Variants in NKX6-2 observed in about 807,000 individuals in gnomAD.
NKX6-2 encodes the protein NK6 homeobox 2.
Under a neutral mutation model 19.9 loss-of-function variants are expected in NKX6-2, and 22 were observed. That is an observed-to-expected ratio of 1.10 (90% CI 0.79 to 1.58). The LOEUF (loss-of-function observed/expected upper bound fraction) is 1.58, where lower values mean the gene tolerates loss of function less well. NKX6-2 is among the 40% of genes most tolerant of loss of function. The pLI is 0.00. For synonymous variants in NKX6-2, 257 were observed against 204.0 expected, an observed-to-expected ratio of 1.26 and a Z score of -2.21; for missense variants, 475 against 410.6, an observed-to-expected ratio of 1.16 and a Z score of -1.35.
At position 132,784,833 on chromosome 10, in the gene NKX6-2, A is replaced by T; in HGVS notation, c.*83T>A. 9.8e-7 allele frequency: 1 copy of T among 1,020,378 alleles called. No homozygotes were observed. Among genetic ancestry groups the T allele is most frequent in the Non-Finnish European group, 1.5e-6 (1 of 686,592 alleles). The allele number at this position is 1,020,378 out of a possible 1,614,324, so 63.2% of individuals were successfully genotyped here. A position where few individuals can be genotyped will look rare whatever the true frequency, so the allele number is the denominator to read the frequency against. ...CCGACGGGGACCCGTTAAATAATTT[A>T]TTGATGATACAAAGCGACTCGCGCC... On this transcript the variant is annotated 3_prime_UTR_variant, in exon 3 of 3. Coordinates refer to ENST00000368592, the MANE Select transcript of NKX6-2 (RefSeq NM_177400.3).
rs1012349735 is a variant in NKX6-2, at chr10:132,785,751, C to T, written c.198G>A (p.Arg66=). The change falls in exon 1 of 3, where the codon CGG becomes CGA. Residue 66 remains arginine, a synonymous_variant. Coordinates refer to ENST00000368592, the MANE Select transcript of NKX6-2 (RefSeq NM_177400.3). The surrounding 1 kb of genome is among the most constrained non-coding windows in gnomAD (Gnocchi z 5.5). ...GGCCCCCGCCCGCCGCGCCCACGGG[C>T]CGGCCCAGGATGTCGCTGATGCCGT... The part of the protein sequence containing the change: ...TPHGISDILG[R]PVGAAGGGLL... The T allele has an allele frequency of 8.0e-6, 10 of 1,244,040 alleles. No individual in the cohort carries two copies. Among genetic ancestry groups the T allele is most frequent in the Non-Finnish European group, 1.0e-5 (10 of 996,110 alleles). The allele number at this position is 1,244,040 out of a possible 1,614,324, so 77.1% of individuals were successfully genotyped here.
rs954871754 is a variant in NKX6-2 at position 132,783,954 on chromosome 10, A to T, written c.*962T>A. On this transcript the variant is annotated 3_prime_UTR_variant, in exon 3 of 3. Transcript: ENST00000368592. ...ATATCATTATTTACATTTAATTTTTAAAAATTAAAACTCAACAGCCACGCC... is the reference window on the plus strand; with the variant it reads ...ATATCATTATTTACATTTAATTTTTTAAAATTAAAACTCAACAGCCACGCC... 1.3e-5 allele frequency: 2 copies of T among 152,270 alleles called. No homozygotes were observed. The highest frequency in any genetic ancestry group is 2.1e-4 in the South Asian group (1 of 4,838). 9.4% of individuals were successfully genotyped at this position (152,270 alleles called of 1,614,324 possible).
chr10:132,784,995 G>A lies in NKX6-2; in HGVS notation c.755C>T (p.Thr252Met). ...LDPNSDDEKI[T>M]RLLKKHKPSN... Reference sequence around the variant, plus strand: ...GGGTTTGTGCTTCTTGAGCAGCCGCGTGATCTTCTCGTCGTCCGAGTTGGG... The same window carrying A: ...GGGTTTGTGCTTCTTGAGCAGCCGCATGATCTTCTCGTCGTCCGAGTTGGG... Residue 252 changes from threonine (T) to methionine (M), a missense_variant, in exon 3 of 3, where the codon ACG becomes ATG. Physicochemically the swap from Thr to Met is moderately conservative, Grantham distance 81 (BLOSUM62 -1). Coordinates refer to ENST00000368592, the MANE Select transcript of NKX6-2 (RefSeq NM_177400.3). 3.7e-6 allele frequency: 6 copies of A among 1,612,424 alleles called. No individual in the cohort carries two copies. The highest frequency in any genetic ancestry group is 2.2e-5 in the East Asian group (1 of 44,824).
rs771929441 is a variant in NKX6-2 at position 132,785,886 on chromosome 10, G to A, written c.63C>T (p.Asn21=). The A allele has an allele frequency of 1.1e-5, 16 of 1,396,930 alleles. No individual in the cohort carries two copies. In the Admixed American group the frequency reaches 2.9e-4, roughly 25 times the overall value. The allele number at this position is 1,396,930 out of a possible 1,614,324, so 86.5% of individuals were successfully genotyped here. ...ACAGCGACGTCTTCATCTCGGCCAT[G>A]TTGTGCAGCGCGGCCAGCGGGGCAC... ...LSSAPLAALH[N]MAEMKTSLFP... The change falls in exon 1 of 3, where the codon AAC becomes AAT. Residue 21 remains asparagine (N), a synonymous_variant. Coordinates refer to ENST00000368592, the MANE Select transcript of NKX6-2 (RefSeq NM_177400.3). This position sits in a 1 kb window ranked among gnomAD's most constrained non-coding sequence, Gnocchi z 5.5.
Position 132,785,254 on chromosome 10 carries a change from G to C in NKX6-2, c.579+26C>G. ...TCGCAGGACGCGGGCCCCCGGCTCT[G>C]CTCTCCCGAGCCCCGCCGCGCTCAC... On this transcript the variant is annotated intron_variant, in intron 2 of 2. Transcript: ENST00000368592. The surrounding 1 kb of genome is among the most constrained non-coding windows in gnomAD (Gnocchi z 5.5). 6.3e-7 allele frequency: 1 copy of C among 1,595,828 alleles called. No individual in the cohort carries two copies. The highest frequency in any genetic ancestry group is 1.1e-5 in the South Asian group (1 of 88,848).
rs910674606 is a variant in NKX6-2, at chr10:132,784,607, G to A, written c.*309C>T. On this transcript the variant is annotated 3_prime_UTR_variant, in exon 3 of 3. Transcript: ENST00000368592. Reference sequence around the variant, plus strand: ...CCGTCCCGGGCTCCTGGCGGCTGTCGCTGCGGTTCCTTCCCGCGGGCCGGG... The same window carrying A: ...CCGTCCCGGGCTCCTGGCGGCTGTCACTGCGGTTCCTTCCCGCGGGCCGGG... The A allele has an allele frequency of 3.3e-6, 1 of 302,224 alleles. No individual in the cohort carries two copies. The highest frequency in any genetic ancestry group is 2.2e-5 in the African/African-American group (1 of 45,208). 18.7% of individuals were successfully genotyped at this position (302,224 alleles called of 1,614,324 possible).
chr10:132,785,858 G>A lies in NKX6-2; in HGVS notation c.91C>T (p.Pro31Ser). The A allele has an allele frequency of 1.4e-6, 2 of 1,388,156 alleles. No homozygotes were observed. The highest frequency in any genetic ancestry group is 1.9e-6 in the Non-Finnish European group (2 of 1,054,778). 86.0% of individuals were successfully genotyped at this position (1,388,156 alleles called of 1,614,324 possible). A position where few individuals can be genotyped will look rare whatever the true frequency, so the allele number is the denominator to read the frequency against. ...CCGGCCGGACCCTGCAGCGCGTAGG[G>A]GAACAGCGACGTCTTCATCTCGGCC... ...NMAEMKTSLF[P>S]YALQGPAGFK... is the part of the protein sequence containing the mutation. Residue 31 changes from proline to serine, a missense_variant, in exon 1 of 3, where the codon CCC becomes TCC. Coordinates refer to ENST00000368592, the MANE Select transcript of NKX6-2 (RefSeq NM_177400.3). This position sits in a 1 kb window ranked among gnomAD's most constrained non-coding sequence, Gnocchi z 5.5.
Position 132,784,697 on chromosome 10 carries a change from A to C in NKX6-2, c.*219T>G. On this transcript the variant is annotated 3_prime_UTR_variant, in exon 3 of 3. Transcript: ENST00000368592. ...GGGGCCCGCAGCCTCCGCACCGGGA[A>C]CCCGGAGGACCCGAGGCGGGCGCAG... 4 of 515,190 alleles carry C rather than the reference A, an allele frequency of 7.8e-6. No homozygotes were observed. The highest frequency in any genetic ancestry group is 1.3e-5 in the Non-Finnish European group (4 of 296,660). The allele number at this position is 515,190 out of a possible 1,614,324, so 31.9% of individuals were successfully genotyped here. A position where few individuals can be genotyped will look rare whatever the true frequency, so the allele number is the denominator to read the frequency against.
At position 132,784,719 on chromosome 10, in the gene NKX6-2, G is replaced by A; in HGVS notation, c.*197C>T. 1.8e-6 allele frequency: 1 copy of A among 568,440 alleles called. No individual in the cohort carries two copies. Among genetic ancestry groups the A allele is most frequent in the South Asian group, 2.2e-5 (1 of 44,706 alleles). 35.2% of individuals were successfully genotyped at this position (568,440 alleles called of 1,614,324 possible). On this transcript the variant is annotated 3_prime_UTR_variant, in exon 3 of 3. Coordinates refer to ENST00000368592, the MANE Select transcript of NKX6-2 (RefSeq NM_177400.3). ...GGAACCCGGAGGACCCGAGGCGGGC[G>A]CAGGGGCGAAGCCGGGGCCGGGGAG...
chr10:132,784,538 G>A lies in NKX6-2; in HGVS notation c.*378C>T, dbSNP rs1248233407. ...CCCCAAGCGCGTCCGAATCCGCCCC[G>A]AGGCGAGGCGGGCCGGGCCGTACCT... On this transcript the variant is annotated 3_prime_UTR_variant, in exon 3 of 3. Coordinates refer to ENST00000368592, the MANE Select transcript of NKX6-2 (RefSeq NM_177400.3). 5.6e-6 allele frequency: 1 copy of A among 179,414 alleles called. No homozygotes were observed. Among genetic ancestry groups the A allele is most frequent in the Non-Finnish European group, 1.1e-5 (1 of 87,080 alleles). 11.1% of individuals were successfully genotyped at this position (179,414 alleles called of 1,614,324 possible).
chr10:132,784,848 C>T lies in NKX6-2; in HGVS notation c.*68G>A. 4.0e-6 allele frequency: 5 copies of T among 1,236,280 alleles called. No individual in the cohort carries two copies. Among genetic ancestry groups the T allele is most frequent in the South Asian group, 1.3e-5 (1 of 78,408 alleles). The allele number at this position is 1,236,280 out of a possible 1,614,324, so 76.6% of individuals were successfully genotyped here. A position where few individuals can be genotyped will look rare whatever the true frequency, so the allele number is the denominator to read the frequency against. The stretch of plus-strand genomic sequence containing the variant: ...TAAATAATTTATTGATGATACAAAG[C>T]GACTCGCGCCCACCCGGGGCCGCCC... On this transcript the variant is annotated 3_prime_UTR_variant, in exon 3 of 3. Coordinates refer to ENST00000368592, the MANE Select transcript of NKX6-2 (RefSeq NM_177400.3).
chr10:132,785,479 T>A lies in NKX6-2; in HGVS notation c.407-27A>T, dbSNP rs1361487958. ...TGCAAGGGAGGGGAAGGGAGGGAGG[T>A]CAGCGGCCGGCGGGGTCCCCCTCCG... On this transcript the variant is annotated intron_variant, in intron 1 of 2. Coordinates refer to ENST00000368592, the MANE Select transcript of NKX6-2 (RefSeq NM_177400.3). The surrounding 1 kb of genome is among the most constrained non-coding windows in gnomAD (Gnocchi z 5.5). 1 of 1,491,718 alleles carries A rather than the reference T, an allele frequency of 6.7e-7. No homozygotes were observed. Among genetic ancestry groups the A allele is most frequent in the Non-Finnish European group, 8.9e-7 (1 of 1,118,798 alleles). The allele number at this position is 1,491,718 out of a possible 1,614,324, so 92.4% of individuals were successfully genotyped here. A position where few individuals can be genotyped will look rare whatever the true frequency, so the allele number is the denominator to read the frequency against.
At position 132,784,219 on chromosome 10, in the gene NKX6-2, G is replaced by A. The variant is rs1847218282; in HGVS notation, c.*697C>T. 6.6e-6 allele frequency: 1 copy of A among 152,388 alleles called. No individual in the cohort carries two copies. Among genetic ancestry groups the A allele is most frequent in the South Asian group, 2.1e-4 (1 of 4,830 alleles). The allele number at this position is 152,388 out of a possible 1,614,324, so 9.4% of individuals were successfully genotyped here. A position where few individuals can be genotyped will look rare whatever the true frequency, so the allele number is the denominator to read the frequency against. ...GGAATTATTTCGGATTTCTCTTTGCGGTCCTAGTTCGGAAGAAACTGCTTT... is the reference window on the plus strand; with the variant it reads ...GGAATTATTTCGGATTTCTCTTTGCAGTCCTAGTTCGGAAGAAACTGCTTT... On this transcript the variant is annotated 3_prime_UTR_variant, in exon 3 of 3. Transcript: ENST00000368592.
In NKX6-2 at chr10:132,784,626, G is replaced by C; in HGVS notation, c.*290C>G. ...GCTGTCGCTGCGGTTCCTTCCCGCG[G>C]GCCGGGCCCCTTCCCTGCGCCTTCG... On this transcript the variant is annotated 3_prime_UTR_variant, in exon 3 of 3. Coordinates refer to ENST00000368592, the MANE Select transcript of NKX6-2 (RefSeq NM_177400.3). 2.7e-6 allele frequency: 1 copy of C among 367,130 alleles called. No individual in the cohort carries two copies. The highest frequency in any genetic ancestry group is 4.8e-6 in the Non-Finnish European group (1 of 208,096). 22.7% of individuals were successfully genotyped at this position (367,130 alleles called of 1,614,324 possible).
In NKX6-2 at chr10:132,785,472, A is replaced by T; in HGVS notation, c.407-20T>A. ...CCGGGGCTGCAAGGGAGGGGAAGGGAGGGAGGTCAGCGGCCGGCGGGGTCC... is the reference window on the plus strand; with the variant it reads ...CCGGGGCTGCAAGGGAGGGGAAGGGTGGGAGGTCAGCGGCCGGCGGGGTCC... On this transcript the variant is annotated intron_variant, in intron 1 of 2. Transcript: ENST00000368592. This position sits in a 1 kb window ranked among gnomAD's most constrained non-coding sequence, Gnocchi z 5.5. The T allele has an allele frequency of 6.6e-7, 1 of 1,516,844 alleles. No homozygotes were observed. The highest frequency in any genetic ancestry group is 2.0e-5 in the Admixed American group (1 of 48,926). The allele number at this position is 1,516,844 out of a possible 1,614,324, so 94.0% of individuals were successfully genotyped here. A position where few individuals can be genotyped will look rare whatever the true frequency, so the allele number is the denominator to read the frequency against.
At position 132,784,753 on chromosome 10, in the gene NKX6-2, T is replaced by A. The variant is rs923789163; in HGVS notation, c.*163A>T. 4.8e-6 allele frequency: 3 copies of A among 628,400 alleles called. No homozygotes were observed. In the African/African-American group the frequency reaches 5.7e-5, roughly 12 times the overall value. The allele number at this position is 628,400 out of a possible 1,614,324, so 38.9% of individuals were successfully genotyped here. A position where few individuals can be genotyped will look rare whatever the true frequency, so the allele number is the denominator to read the frequency against. On this transcript the variant is annotated 3_prime_UTR_variant, in exon 3 of 3. Coordinates refer to ENST00000368592, the MANE Select transcript of NKX6-2 (RefSeq NM_177400.3). ...AAGCCGGGGCCGGGGAGGGGCCGCC[T>A]CGCTCCGGGTTCGAGACGGAAGAAA...
Position 132,786,131 on chromosome 10 carries a change from C to T in NKX6-2, c.-183G>A, listed in dbSNP as rs1395753681. 1 of 145,266 alleles carries T rather than the reference C, an allele frequency of 6.9e-6. No homozygotes were observed. Among genetic ancestry groups the T allele is most frequent in the African/African-American group, 2.5e-5 (1 of 40,536 alleles). The allele number at this position is 145,266 out of a possible 1,614,324, so 9.0% of individuals were successfully genotyped here. A position where few individuals can be genotyped will look rare whatever the true frequency, so the allele number is the denominator to read the frequency against. On this transcript the variant is annotated 5_prime_UTR_variant, in exon 1 of 3. Transcript: ENST00000368592. ...CGGGCGGGCGGCGGCGGCGGCGGCT[C>T]CGGGGCCGGTCGGAGCGGCGCCGCG...
In NKX6-2 at chr10:132,785,174, G is replaced by T; in HGVS notation, c.580-4C>A. The stretch of plus-strand genomic sequence containing the variant: ...TCCGGCGGTTCTGGAACCAGACCTG[G>T]GAGTGGACGGGGCGGTCAGGCGGCC... On this transcript the variant is annotated splice_polypyrimidine_tract_variant and splice_region_variant and intron_variant, in intron 2 of 2. Transcript: ENST00000368592. The surrounding 1 kb of genome is among the most constrained non-coding windows in gnomAD (Gnocchi z 5.5). 6.2e-7 allele frequency: 1 copy of T among 1,609,958 alleles called. No individual in the cohort carries two copies. The highest frequency in any genetic ancestry group is 8.5e-7 in the Non-Finnish European group (1 of 1,178,916).
At position 132,784,118 on chromosome 10, in the gene NKX6-2, G is replaced by C. The variant is rs936972660; in HGVS notation, c.*798C>G. The stretch of plus-strand genomic sequence containing the variant: ...GGGTCCCCCGAGCCCCCGGCTGGGC[G>C]CTGCGGGCCTTGCCCAGGGGGCCTC... On this transcript the variant is annotated 3_prime_UTR_variant, in exon 3 of 3. Coordinates refer to ENST00000368592, the MANE Select transcript of NKX6-2 (RefSeq NM_177400.3). The C allele has an allele frequency of 6.6e-6, 1 of 152,200 alleles. No individual in the cohort carries two copies. The highest frequency in any genetic ancestry group is 1.5e-5 in the Non-Finnish European group (1 of 68,012). 9.4% of individuals were successfully genotyped at this position (152,200 alleles called of 1,614,324 possible). A position where few individuals can be genotyped will look rare whatever the true frequency, so the allele number is the denominator to read the frequency against.
Sources: gnomAD v4.1 joint callset for allele counts on GRCh38, gnomAD v4.1.1 for gene constraint, Gnocchi (gnomAD v3.1) non-coding constraint, MANE v1.5 for transcripts, NCBI Gene and HGNC (gene_info 2026-07-23, HGNC 2026-07-21) for gene names.